CDH13: variants seen among roughly 807,000 people sequenced by gnomAD.
The protein encoded by CDH13 is cadherin-13.
CDH13 carries 24 observed loss-of-function variants against 63.8 expected under a neutral mutation model. The observed-to-expected ratio is 0.38, with a 90% CI of 0.27 to 0.53. CDH13 has a LOEUF of 0.53. Among genes scored for constraint, CDH13 ranks in the 20% least tolerant of loss-of-function variants. The pLI is 0.85. For synonymous variants in CDH13, 503 were observed against 355.3 expected (o/e 1.42, Z -4.67); for missense variants, 1,049 against 903.1 (o/e 1.16, Z -2.07).
At chr16:83,793,603 C>A (rs571229830) in intron 13 of CDH13, among the ~76,000 whole-genome samples, 26 of 152,198 alleles carry the variant, frequency 1.7e-4, no homozygotes, top group African/African-American at 5.8e-4. Context: ...TGAGTAATGG[C>A]CCCCAAAGAT....
intron 7 of CDH13, among the ~76,000 whole-genome samples, chr16:83,492,948 A>G (rs758423538): frequency 2.6e-5 from 4 of 152,292 alleles, no homozygotes; most frequent in East Asian, 1.9e-4. Flanking sequence ...TATGACCGCA[A>G]TTTAGTTGAA....
chr16:83,429,583 A>T (rs2072028680), intron 6 of CDH13, among the ~76,000 whole-genome samples: 1 of 152,074 alleles, frequency 6.6e-6, no homozygotes, highest in Admixed American at 6.6e-5. Context: ...GAAGCTTGAG[A>T]AAAATAAAAA....
intron 5 of CDH13, among the ~76,000 whole-genome samples, chr16:83,255,357 GT>G (rs1161830338): frequency 6.6e-6 from 1 of 152,172 alleles, no homozygotes; most frequent in Non-Finnish European, 1.5e-5. Flanking sequence ...GAGTGTATTT[GT>G]GCTTGCATTA....
intron 3 of CDH13, among the ~76,000 whole-genome samples, chr16:83,095,446 A>G (rs2034146182): frequency 6.6e-6 from 1 of 152,204 alleles, no homozygotes; most frequent in Non-Finnish European, 1.5e-5. Flanking sequence ...CTTCTCCCAA[A>G]TGGGATGAAT....
rs28752144 is a variant in CDH13 at position 83,100,984 on chromosome 16, T to C, written c.367-24401T>C. The stretch of plus-strand genomic sequence containing the variant: ...GGATGATTGAATTCTTTCTCATTTT[T>C]CATTTCCTATATGATTCAGATCCTT... On this transcript the variant is annotated intron_variant, in intron 3 of 13. Coordinates refer to ENST00000567109, the MANE Select transcript of CDH13 (RefSeq NM_001257.5). 7.7e-3 allele frequency among the ~76,000 whole-genome samples: 1,166 copies of C among 152,304 alleles called. 23 individuals carry two copies. Among genetic ancestry groups the C allele is most frequent in the African/African-American group, 0.025 (1,045 of 41,566 alleles).
At chr16:83,296,972 G>C (rs184457179) in intron 5 of CDH13, among the ~76,000 whole-genome samples, 2 of 152,252 alleles carry the variant, frequency 1.3e-5, no homozygotes, top group Non-Finnish European at 2.9e-5. Context: ...TCTAAATAGA[G>C]GAATGATGAG....
chr16:83,177,654 G>C (rs956439246), intron 4 of CDH13, among the ~76,000 whole-genome samples: 4 of 152,110 alleles, frequency 2.6e-5, no homozygotes, highest in East Asian at 1.9e-4. Context: ...TTGTAGCAAG[G>C]TCCCCTCCAC....
intron 3 of CDH13, among the ~76,000 whole-genome samples, chr16:83,034,185 A>T (rs1597188547): frequency 6.6e-6 from 1 of 152,216 alleles, no homozygotes; most frequent in East Asian, 1.9e-4. Context: ...CTCGTGGCAG[A>T]TATTGCTAAT....
intron 4 of CDH13, among the ~76,000 whole-genome samples, chr16:83,160,909 A>G (rs1335275970): frequency 2.6e-5 from 4 of 152,216 alleles, no homozygotes; most frequent in Non-Finnish European, 1.5e-5. Context: ...TCCAGTACAC[A>G]TTTTTCCGTT....
chr16:83,309,360 G>A (rs562767781), intron 5 of CDH13, among the ~76,000 whole-genome samples: 30 of 149,878 alleles, frequency 2.0e-4, no homozygotes, highest in African/African-American at 7.3e-4. Flanking sequence ...GTCAGTCTCT[G>A]GAGGCACTCC....
At chr16:83,781,889 C>G (rs1915548179) in intron 12 of CDH13, among the ~76,000 whole-genome samples, 1 of 146,528 alleles carries the variant, frequency 6.8e-6, no homozygotes, top group African/African-American at 2.5e-5. Flanking sequence ...ACCTATGTAA[C>G]AAACCTGCAC....
At chr16:83,144,733 T>A (rs2036675028) in intron 4 of CDH13, among the ~76,000 whole-genome samples, 1 of 152,240 alleles carries the variant, frequency 6.6e-6, no homozygotes, top group Non-Finnish European at 1.5e-5. Flanking sequence ...AGTCCAACTG[T>A]CAGAATGAGT....
chr16:83,037,868 G>T (rs760344307), intron 3 of CDH13, among the ~76,000 whole-genome samples: 5 of 152,148 alleles, frequency 3.3e-5, no homozygotes, highest in Non-Finnish European at 7.4e-5. Context: ...AGAACAGTCT[G>T]TGTCACAGAG....
Position 83,346,689 on chromosome 16 carries a change from AT to A in CDH13, c.781+1689del, listed in dbSNP as rs141209444. 2.6e-3 allele frequency among the ~76,000 whole-genome samples: 391 copies of A among 152,308 alleles called. 1 individual carries two copies. Among genetic ancestry groups the A allele is most frequent in the African/African-American group, 8.9e-3 (371 of 41,550 alleles). On this transcript the variant is annotated intron_variant, in intron 6 of 13. Transcript: ENST00000567109. Reference sequence around the variant, plus strand: ...GAAAAGAATTTCAGATACATGTAATATTTTTTGATACATGTATATACATGTA... The same window carrying A: ...GAAAAGAATTTCAGATACATGTAATATTTTTGATACATGTATATACATGTA...
At chr16:83,056,846 G>C (rs374401214) in intron 3 of CDH13, among the ~76,000 whole-genome samples, 1 of 152,118 alleles carries the variant, frequency 6.6e-6, no homozygotes, top group Admixed American at 6.5e-5. Context: ...CCCTACACAC[G>C]CTCTCTTGCC....
intron 5 of CDH13, among the ~76,000 whole-genome samples, chr16:83,240,470 GTGA>G (rs1275949868): frequency 6.6e-6 from 1 of 151,970 alleles, no homozygotes; most frequent in African/African-American, 2.4e-5. Flanking sequence ...AGGAAACCAG[GTGA>G]GAAAGAGGAG....
intron 7 of CDH13, among the ~76,000 whole-genome samples, chr16:83,566,915 C>T (rs1366342677): frequency 6.6e-6 from 1 of 152,166 alleles, no homozygotes; most frequent in Non-Finnish European, 1.5e-5. Flanking sequence ...AAGAGGAATG[C>T]TTTCCTTATT....
chr16:83,655,348 A>G (rs1455468959), intron 8 of CDH13: 3 of 152,208 alleles, frequency 2.0e-5, no homozygotes, highest in African/African-American at 4.8e-5. Context: ...CATTTTACAG[A>G]TAAGGAAGTA....
At chr16:83,517,227 A>G (rs768031357) in intron 7 of CDH13, among the ~76,000 whole-genome samples, 2 of 152,214 alleles carry the variant, frequency 1.3e-5, no homozygotes, top group Non-Finnish European at 2.9e-5. Flanking sequence ...CAGTTTAAGG[A>G]TGTAGACTGT....
Sources: allele counts gnomAD v4.1 joint callset (sites outside exome capture counted in the v4.1 genomes callset), GRCh38; gene constraint gnomAD v4.1.1; transcripts MANE v1.5; gene names NCBI Gene and HGNC (gene_info 2026-07-23, HGNC 2026-07-21).